The following CTNND2 variants were observed in gnomAD, a reference collection of about 807,000 sequenced individuals.
CTNND2 encodes catenin delta-2.
In CTNND2, 22 loss-of-function variants were observed where a neutral mutation model predicts 144.4. The ratio of observed to expected loss-of-function variants is 0.15; its 90% CI spans 0.11 to 0.22. CTNND2 has a LOEUF of 0.22. CTNND2 is among the 10% of genes least tolerant of loss of function. CTNND2 has a pLI of 1.00. For synonymous variants in CTNND2, 751 were observed against 695.6 expected, an observed-to-expected ratio of 1.08 and a Z score of -1.25; for missense variants, 1,353 against 1,618.8, an observed-to-expected ratio of 0.84 and a Z score of 2.82.
chr5:11,901,089 G>C (rs368960292), intron 1 of CTNND2, among the ~76,000 whole-genome samples: 21 of 152,246 alleles, frequency 1.4e-4, no homozygotes, highest in African/African-American at 5.1e-4. Context: ...TGTTACAGCT[G>C]TATACACTGG....
intron 12 of CTNND2, among the ~76,000 whole-genome samples, chr5:11,123,092 C>T (rs1211498821): frequency 1.3e-5 from 2 of 152,136 alleles, no homozygotes; most frequent in Non-Finnish European, 2.9e-5. Context: ...GGGCTCAATC[C>T]AAGCACTGCC....
Position 11,360,763 on chromosome 5 carries a change from A to G in CTNND2, c.1372+3933T>C, listed in dbSNP as rs560789964. On this transcript the variant is annotated intron_variant, in intron 8 of 21. Transcript: ENST00000304623. ...ACCTTCCAATACCGGTTAATTTTTC[A>G]GATGTTTATGTCTTTCTCTGAAACA... 7.9e-5 allele frequency among the ~76,000 whole-genome samples: 12 copies of G among 152,264 alleles called. No homozygotes were observed. In the South Asian group the frequency reaches 2.5e-3, roughly 32 times the overall value.
At chr5:11,383,352 C>T (rs1758714461) in intron 7 of CTNND2, among the ~76,000 whole-genome samples, 1 of 152,172 alleles carries the variant, frequency 6.6e-6, no homozygotes, top group Non-Finnish European at 1.5e-5. Flanking sequence ...AAAGCATTTA[C>T]ATGAAGTTTC....
At chr5:11,524,914 TA>T (rs1298526182) in intron 3 of CTNND2, among the ~76,000 whole-genome samples, 1 of 152,162 alleles carries the variant, frequency 6.6e-6, no homozygotes, top group Non-Finnish European at 1.5e-5. Context: ...ACATAGCATA[TA>T]AAAATATGCT....
chr5:11,376,058 G>C (rs1226371507), intron 7 of CTNND2, among the ~76,000 whole-genome samples: 1 of 151,994 alleles, frequency 6.6e-6, no homozygotes, highest in African/African-American at 2.4e-5. Context: ...GCAAGGTGAG[G>C]ACACAGCAAG....
At chr5:11,318,905 C>T (rs1176378521) in intron 9 of CTNND2, among the ~76,000 whole-genome samples, 12 of 150,238 alleles carry the variant, frequency 8.0e-5, no homozygotes, top group Non-Finnish European at 1.8e-4. Context: ...CTAGAAAAAA[C>T]ATATAGAAAT....
At chr5:11,351,616 A>G (rs559524383) in intron 8 of CTNND2, among the ~76,000 whole-genome samples, 3 of 152,220 alleles carry the variant, frequency 2.0e-5, no homozygotes, top group Non-Finnish European at 4.4e-5. Context: ...AATTGCAAGC[A>G]TTATTTACTG....
chr5:10,984,372 T>G (rs116560261), intron 20 of CTNND2, among the ~76,000 whole-genome samples: 287 of 152,322 alleles, frequency 1.9e-3, no homozygotes, highest in African/African-American at 6.5e-3. Context: ...AAATGTCACT[T>G]GAGGAATAAG....
chr5:10,973,477 C>T lies in CTNND2; in HGVS notation c.3654G>A (p.Pro1218=), dbSNP rs368966775. 30 of 1,601,838 alleles carry T rather than the reference C, an allele frequency of 1.9e-5. No homozygotes were observed. The highest frequency in any genetic ancestry group is 2.7e-5 in the African/African-American group (2 of 74,740). The part of the protein sequence containing the change: ...SELNYETSHY[P]ASPDSWV ...CTCACACCCAGGAGTCGGGGGAGGCCGGGTAGTGGCTCGTTTCATAGTTCA... is the reference window on the plus strand; with the variant it reads ...CTCACACCCAGGAGTCGGGGGAGGCTGGGTAGTGGCTCGTTTCATAGTTCA... Residue 1218 remains proline, a synonymous_variant, in exon 22 of 22, where the codon CCG becomes CCA. Coordinates refer to ENST00000304623, the MANE Select transcript of CTNND2 (RefSeq NM_001332.4). The surrounding 1 kb of genome is among the most constrained non-coding windows in gnomAD (Gnocchi z 5.6).
At chr5:11,810,989 T>C (rs1792300127) in intron 1 of CTNND2, among the ~76,000 whole-genome samples, 1 of 152,198 alleles carries the variant, frequency 6.6e-6, no homozygotes, top group African/African-American at 2.4e-5. Flanking sequence ...GAGTTAGACA[T>C]ACTTATTCCA....
intron 1 of CTNND2, among the ~76,000 whole-genome samples, chr5:11,750,830 G>A (rs1330639250): frequency 6.6e-6 from 1 of 151,658 alleles, no homozygotes; most frequent in African/African-American, 2.4e-5. Flanking sequence ...AATTATCTTT[G>A]TTAATATATT....
intron 16 of CTNND2, among the ~76,000 whole-genome samples, chr5:11,059,868 A>G (rs758073236): frequency 6.6e-6 from 1 of 152,228 alleles, no homozygotes; most frequent in Non-Finnish European, 1.5e-5. Flanking sequence ...GTGTATATAT[A>G]TAGATATACC....
intron 2 of CTNND2, among the ~76,000 whole-genome samples, chr5:11,650,867 T>C (rs1026818274): frequency 6.6e-5 from 10 of 152,106 alleles, no homozygotes; most frequent in African/African-American, 9.7e-5. Flanking sequence ...CATGAGCAAA[T>C]AGATGATCTG....
intron 1 of CTNND2, among the ~76,000 whole-genome samples, chr5:11,793,253 T>A (rs1208007638): frequency 6.6e-6 from 1 of 152,152 alleles, no homozygotes; most frequent in African/African-American, 2.4e-5. Context: ...TACTTGCTCC[T>A]CTCCATTTTC....
intron 2 of CTNND2, among the ~76,000 whole-genome samples, chr5:11,625,963 A>C (rs963894350): frequency 6.6e-6 from 1 of 152,192 alleles, no homozygotes; most frequent in Admixed American, 6.6e-5. Context: ...ACTTCAACTG[A>C]AATTATGAAT....
intron 9 of CTNND2, among the ~76,000 whole-genome samples, chr5:11,307,932 G>A (rs1490364145): frequency 3.9e-5 from 6 of 152,260 alleles, no homozygotes; most frequent in African/African-American, 1.4e-4. Flanking sequence ...ACTCATGAAG[G>A]TAGACAGTGC....
At chr5:11,063,749 AC>A in intron 16 of CTNND2, among the ~76,000 whole-genome samples, 1 of 150,596 alleles carries the variant, frequency 6.6e-6, no homozygotes, top group African/African-American at 2.4e-5. Context: ...TTAAAATGCC[AC>A]CCGGGAAACT....
intron 2 of CTNND2, among the ~76,000 whole-genome samples, chr5:11,662,041 A>G (rs1783238708): frequency 6.6e-6 from 1 of 150,452 alleles, no homozygotes; most frequent in Admixed American, 6.6e-5. Context: ...ACACACACAC[A>G]CACATATATA....
chr5:11,164,440 C>T lies in CTNND2; in HGVS notation c.1976-4681G>A, dbSNP rs530606411. Among the ~76,000 whole-genome samples, 9 of 152,296 alleles carry T rather than the reference C, an allele frequency of 5.9e-5. No homozygotes were observed. In the East Asian group the frequency reaches 1.7e-3, roughly 29 times the overall value. Reference sequence around the variant, plus strand: ...TCTAAATCTCTAAATTCATCTTGATCACATTCATTCATTCATTTATCCATT... The same window carrying T: ...TCTAAATCTCTAAATTCATCTTGATTACATTCATTCATTCATTTATCCATT... On this transcript the variant is annotated intron_variant, in intron 11 of 21. Coordinates refer to ENST00000304623, the MANE Select transcript of CTNND2 (RefSeq NM_001332.4).
Sources: allele counts gnomAD v4.1 joint callset (sites outside exome capture counted in the v4.1 genomes callset), GRCh38; gene constraint gnomAD v4.1.1; non-coding constraint Gnocchi (gnomAD v3.1); transcripts MANE v1.5; gene names NCBI Gene and HGNC (gene_info 2026-07-23, HGNC 2026-07-21).